The following PIK3C2B variants were observed in gnomAD, a reference collection of about 807,000 sequenced individuals.
The protein encoded by PIK3C2B is phosphatidylinositol-4-phosphate 3-kinase catalytic subunit type 2 beta, also known as phosphatidylinositol 4-phosphate 3-kinase C2 domain-containing subunit beta.
PIK3C2B carries 83 observed loss-of-function variants against 184.3 expected under a neutral mutation model. The ratio of observed to expected loss-of-function variants is 0.45; its 90% confidence interval spans 0.38 to 0.54. PIK3C2B has a LOEUF of 0.54. Ranked by LOEUF, PIK3C2B falls within the 20% of genes least tolerant of loss-of-function variation. The probability of loss-of-function intolerance (pLI) is 0.00; values close to 1 mark genes in which losing one functional copy is unlikely to be tolerated. For missense variants in PIK3C2B, 1,736 were observed against 2,113.5 expected (o/e 0.82, Z 3.50); for synonymous variants, 779 against 837.6 (o/e 0.93, Z 1.21).
At chr1:204,475,275 T>C (rs539815818) in intron 1 of PIK3C2B, among the ~76,000 whole-genome samples, 93 of 152,340 alleles carry the variant, frequency 6.1e-4, no homozygotes, top group African/African-American at 2.2e-3. Flanking sequence ...ACGTATGTGA[T>C]ACCTCCGTGA....
At chr1:204,466,977 C>A (rs772541591) in intron 2 of PIK3C2B, 2 of 519,552 alleles carry the variant, frequency 3.8e-6, no homozygotes, top group Non-Finnish European at 7.9e-6. Flanking sequence ...CCCAAGGGGT[C>A]CCCCCTCCCA....
At chr1:204,480,903 C>A (rs1657083050) in intron 1 of PIK3C2B, among the ~76,000 whole-genome samples, 1 of 152,138 alleles carries the variant, frequency 6.6e-6, no homozygotes, top group South Asian at 2.1e-4. Flanking sequence ...TGTTCCTCAA[C>A]CAGCAAGCTA....
chr1:204,441,616 G>A, intron 20 of PIK3C2B, 53 bp from the exon 21 acceptor site: 1 of 1,274,246 alleles, frequency 7.8e-7, no homozygotes. Context: ...TGCCAGGAAA[G>A]GAAAACGACC....
chr1:204,446,076 A>G lies in PIK3C2B; in HGVS notation c.2558T>C (p.Leu853Pro). The G allele has an allele frequency of 1.3e-6, 2 of 1,597,584 alleles. No homozygotes were observed. The highest frequency in any genetic ancestry group is 1.7e-6 in the Non-Finnish European group (2 of 1,169,320). ...GGGGGCGCTGGCGAGCACCAGGGGG[A>G]GCGAGCTCACCTCCGAGTGGCAGTA... ...RYYCHSEVSS[L>P]PLVLASAPSW... The change falls in exon 16 of 33, where the codon CTC becomes CCC. Residue 853 changes from leucine to proline, a missense_variant. Around this residue, in one of 8 missense-constraint regions of PIK3C2B, gnomAD observed 609 missense variants for 699.2 expected, o/e 0.87. Coordinates refer to ENST00000684373, the MANE Select transcript of PIK3C2B (RefSeq NM_001377334.1).
In PIK3C2B at chr1:204,471,777, T is replaced by C. The variant is rs1257778957; in HGVS notation, c.-84-1891A>G. On this transcript the variant is annotated intron_variant, in intron 1 of 32. Coordinates refer to ENST00000684373, the MANE Select transcript of PIK3C2B (RefSeq NM_001377334.1). ...CACACTTTCAATCTGTATATTTTATTATATGTCAATTACACCTCAATAAAA... is the reference window on the plus strand; with the variant it reads ...CACACTTTCAATCTGTATATTTTATCATATGTCAATTACACCTCAATAAAA... 7.2e-5 allele frequency among the ~76,000 whole-genome samples: 11 copies of C among 152,386 alleles called. No individual in the cohort carries two copies. The East Asian group carries it at 2.1e-3, about 29-fold the overall frequency.
chr1:204,424,874 G>A lies in PIK3C2B; in HGVS notation c.4883C>T (p.Ser1628Phe), dbSNP rs749816934. Residue 1628 changes from serine (S) to phenylalanine (F), a missense_variant, in exon 33 of 33, where the codon TCT becomes TTT. Ser to Phe is a radical substitution (Grantham distance 155). Around this residue, in one of 8 missense-constraint regions of PIK3C2B, gnomAD observed 95 missense variants for 164.2 expected, o/e 0.58. Transcript: ENST00000684373. ...QEKTGWFALG[S>F]RSHGTL The stretch of plus-strand genomic sequence containing the variant: ...GGCTCACAAGGTGCCATGACTTCGA[G>A]ATCCCAGGGCGAACCAGCCGGTCTT... The A allele has an allele frequency of 2.5e-6, 4 of 1,614,120 alleles. No individual in the cohort carries two copies. The highest frequency in any genetic ancestry group is 2.2e-5 in the East Asian group (1 of 44,878).
At chr1:204,490,036 T>C (rs562770881) in intron 1 of PIK3C2B, 1 of 397,492 alleles carries the variant, frequency 2.5e-6, no homozygotes, top group Non-Finnish European at 4.4e-6. Flanking sequence ...GAGCCACGTG[T>C]GTGAAACAAC....
intron 1 of PIK3C2B, among the ~76,000 whole-genome samples, chr1:204,480,884 C>T (rs1657080556): frequency 1.3e-5 from 2 of 152,220 alleles, no homozygotes; most frequent in South Asian, 4.1e-4. Flanking sequence ...TGTCCCTGTG[C>T]CATCGTGGTG....
Position 204,447,426 on chromosome 1 carries a change from C to G in PIK3C2B, c.2489+10G>C, listed in dbSNP as rs545249382. The G allele has an allele frequency of 1.2e-6, 2 of 1,610,530 alleles. No individual in the cohort carries two copies. Among genetic ancestry groups the G allele is most frequent in the African/African-American group, 1.3e-5 (1 of 74,938 alleles). ...AAACATGACAGATTCAGTGGGGGCC[C>G]GGGTCTCACCAGTACAAGGACTCTT... On this transcript the variant is annotated intron_variant, in intron 15 of 32. Transcript: ENST00000684373. This position sits in a 1 kb window ranked among gnomAD's most constrained non-coding sequence, Gnocchi z 4.1.
At position 204,481,256 on chromosome 1, in the gene PIK3C2B, T is replaced by G. The variant is rs77573366; in HGVS notation, c.-84-11370A>C. ...AAGAGAGGAAGCTGGCCTAGACCCA[T>G]AAGGTCACATTCTTTTTTTTTTTTT... On this transcript the variant is annotated intron_variant, in intron 1 of 32. Coordinates refer to ENST00000684373, the MANE Select transcript of PIK3C2B (RefSeq NM_001377334.1). 6.3e-3 allele frequency among the ~76,000 whole-genome samples: 881 copies of G among 138,860 alleles called. 10 individuals carry two copies. Among genetic ancestry groups the G allele is most frequent in the African/African-American group, 0.021 (788 of 37,912 alleles). The allele number at this position is 138,860 out of a possible 152,430, so 91.1% of individuals were successfully genotyped here.
intron 14 of PIK3C2B, 33 bp downstream of exon 14, chr1:204,449,152 C>T: frequency 7.0e-7 from 1 of 1,430,060 alleles, no homozygotes; most frequent in Non-Finnish European, 9.8e-7. Flanking sequence ...AATGGTCTTG[C>T]TGGTGACTGG....
chr1:204,429,566 C>A (rs1441067806), intron 29 of PIK3C2B, among the ~76,000 whole-genome samples: 1 of 152,068 alleles, frequency 6.6e-6, no homozygotes, highest in Non-Finnish European at 1.5e-5. Context: ...GGCCATTATA[C>A]TACTATTTGT....
Position 204,436,119 on chromosome 1 carries a change from G to A in PIK3C2B, c.3517-1511C>T, listed in dbSNP as rs906803084. 1.3e-4 allele frequency among the ~76,000 whole-genome samples: 20 copies of A among 152,280 alleles called. 1 individual carries two copies. In the South Asian group the frequency reaches 4.1e-3, roughly 32 times the overall value. On this transcript the variant is annotated intron_variant, in intron 23 of 32. Transcript: ENST00000684373. Reference sequence around the variant, plus strand: ...TGGCAAGAAGTCTCACTCTATAAAGGGACACTCTGCCTCTGATTTCAGGGG... The same window carrying A: ...TGGCAAGAAGTCTCACTCTATAAAGAGACACTCTGCCTCTGATTTCAGGGG...
intron 1 of PIK3C2B, among the ~76,000 whole-genome samples, chr1:204,473,314 C>G (rs565124247): frequency 1.3e-5 from 2 of 152,246 alleles, no homozygotes; most frequent in Non-Finnish European, 2.9e-5. Context: ...CAGACCGGCC[C>G]AAGCCCAGCC....
chr1:204,455,717 C>T, intron 11 of PIK3C2B, 139 bp downstream of exon 11: 1 of 696,538 alleles, frequency 1.4e-6, no homozygotes, highest in Non-Finnish European at 2.3e-6. Context: ...CTCACCCCCG[C>T]AGCCCCATTG....
intron 23 of PIK3C2B, among the ~76,000 whole-genome samples, chr1:204,436,134 G>C (rs954351016): frequency 6.6e-6 from 1 of 152,228 alleles, no homozygotes; most frequent in African/African-American, 2.4e-5. Context: ...CTCTGCCTCT[G>C]ATTTCAGGGG....
chr1:204,482,697 T>A (rs944218256), intron 1 of PIK3C2B, among the ~76,000 whole-genome samples: 1 of 151,118 alleles, frequency 6.6e-6, no homozygotes, highest in Non-Finnish European at 1.5e-5. Flanking sequence ...GGCAGAAGAA[T>A]CTCTTGAACC....
rs1362210597 is a variant in PIK3C2B, at chr1:204,447,365, CAGG to C, written c.2489+68_2489+70del. On this transcript the variant is annotated intron_variant, in intron 15 of 32. Coordinates refer to ENST00000684373, the MANE Select transcript of PIK3C2B (RefSeq NM_001377334.1). This position sits in a 1 kb window ranked among gnomAD's most constrained non-coding sequence, Gnocchi z 4.1. ...CCCCTTCCCACCTCCACTCCCAAAGCAGGAGGACGGAGACTCAGTGCTGGGAGG... is the reference window on the plus strand; with the variant it reads ...CCCCTTCCCACCTCCACTCCCAAAGCAGGACGGAGACTCAGTGCTGGGAGG... 3.4e-6 allele frequency: 5 copies of C among 1,471,372 alleles called. No homozygotes were observed. Among genetic ancestry groups the C allele is most frequent in the Admixed American group, 3.5e-5 (2 of 56,606 alleles). 91.1% of individuals were successfully genotyped at this position (1,471,372 alleles called of 1,614,324 possible).
chr1:204,442,451 C>A (rs1250964014), intron 20 of PIK3C2B, 75 bp downstream of exon 20: 2 of 939,364 alleles, frequency 2.1e-6, no homozygotes, highest in Non-Finnish European at 3.4e-6. Context: ...CTCGACCTTG[C>A]ATGCCTGGTT....
Sources: allele counts gnomAD v4.1 joint callset (sites outside exome capture counted in the v4.1 genomes callset), GRCh38; gene constraint gnomAD v4.1.1; regional missense constraint gnomAD v4.1.1; non-coding constraint Gnocchi (gnomAD v3.1); transcripts MANE v1.5; gene names NCBI Gene and HGNC (gene_info 2026-07-23, HGNC 2026-07-21).